Variants in SCFD1 observed in about 807,000 individuals in gnomAD.
SCFD1 encodes sec1 family domain containing 1, also known as sec1 family domain-containing protein 1.
Under a neutral mutation model 103.2 loss-of-function variants are expected in SCFD1, and 37 were observed. The observed-to-expected ratio is 0.36, with a 90% CI of 0.28 to 0.47. The LOEUF (loss-of-function observed/expected upper bound fraction) is 0.47. Ranked by LOEUF, SCFD1 falls within the 20% of genes least tolerant of loss-of-function variation. SCFD1 has a pLI of 1.00. For synonymous variants in SCFD1, 264 were observed against 245.0 expected (o/e 1.08, Z -0.73); for missense variants, 639 against 761.2 (o/e 0.84, Z 1.89).
chr14:30,634,838 T>G (rs1176551579), intron 4 of SCFD1: 3 of 455,848 alleles, frequency 6.6e-6, no homozygotes, highest in African/African-American at 2.0e-5. Context: ...GGACATGGAC[T>G]GTGCCAGCCC....
At chr14:30,653,916 C>G (rs927776706) in intron 10 of SCFD1, 1 of 166,026 alleles carries the variant, frequency 6.0e-6, no homozygotes, top group African/African-American at 2.4e-5. Context: ...TAAATGTGTT[C>G]TCCCTTAGGA....
intron 23 of SCFD1, among the ~76,000 whole-genome samples, chr14:30,723,447 C>G (rs1002453299): frequency 6.6e-6 from 1 of 152,054 alleles, no homozygotes; most frequent in Non-Finnish European, 1.5e-5. Flanking sequence ...TGCAGTTTTG[C>G]TACATAGGTA....
intron 5 of SCFD1, 105 bp downstream of exon 5, chr14:30,638,352 ACAG>A (rs1594577289): frequency 6.6e-7 from 1 of 1,515,220 alleles, no homozygotes; most frequent in East Asian, 2.4e-5. Flanking sequence ...GACCAGAACA[ACAG>A]AATTGTTTAG....
intron 23 of SCFD1, among the ~76,000 whole-genome samples, chr14:30,730,923 C>T (rs1353560622): frequency 2.0e-5 from 3 of 151,988 alleles, no homozygotes; most frequent in Non-Finnish European, 4.4e-5. Flanking sequence ...GAAGTCCTTG[C>T]CCATGTCTAT....
In SCFD1 at chr14:30,656,646, T is replaced by C. The variant is rs556795498; in HGVS notation, c.855+3058T>C. ...TGACAACATGAGTTTCAAAGCTAGT[T>C]TTAGGAAAGAGGGCAAGTAAAGAGT... On this transcript the variant is annotated intron_variant, in intron 10 of 24. Transcript: ENST00000458591. 7.2e-5 allele frequency among the ~76,000 whole-genome samples: 11 copies of C among 152,078 alleles called. 1 individual carries two copies. In the South Asian group the frequency reaches 2.1e-3, roughly 29 times the overall value.
chr14:30,654,131 G>C (rs78716720), intron 10 of SCFD1: 5,826 of 152,438 alleles, frequency 0.038, 158 homozygotes, highest in East Asian at 0.15. Context: ...ATACACAGGT[G>C]ATAAAACACG....
At chr14:30,665,245 C>G (rs1427632337) in intron 10 of SCFD1, among the ~76,000 whole-genome samples, 1 of 152,142 alleles carries the variant, frequency 6.6e-6, no homozygotes, top group African/African-American at 2.4e-5. Context: ...ATTCAACATT[C>G]TTAAAGAAAA....
At chr14:30,734,741 A>G in intron 23 of SCFD1, 49 bp from the exon 24 acceptor site, 1 of 1,314,792 alleles carries the variant, frequency 7.6e-7, no homozygotes, top group Non-Finnish European at 1.1e-6. Context: ...GGGAATATTG[A>G]ATATATTTCT....
intron 10 of SCFD1, chr14:30,669,785 G>A (rs962884548): frequency 6.6e-6 from 1 of 152,366 alleles, no homozygotes; most frequent in African/African-American, 2.4e-5. Flanking sequence ...ATTTGTTACT[G>A]GAAATGACCA....
intron 1 of SCFD1, among the ~76,000 whole-genome samples, chr14:30,623,144 C>A (rs948045762): frequency 2.0e-5 from 3 of 151,992 alleles, no homozygotes; most frequent in Non-Finnish European, 4.4e-5. Flanking sequence ...TTGGTTTATA[C>A]CTGTTAGCTA....
intron 6 of SCFD1, among the ~76,000 whole-genome samples, chr14:30,641,189 C>A (rs939216069): frequency 1.3e-5 from 2 of 152,078 alleles, no homozygotes; most frequent in African/African-American, 4.8e-5. Context: ...TCAAATGGTA[C>A]AATGCTTTAA....
At position 30,670,263 on chromosome 14, in the gene SCFD1, A is replaced by G; in HGVS notation, c.863A>G (p.His288Arg). ...AAGATTACTTTTTCCTAGGATTTCC[A>G]TTTAAACAGGGTTAATTTGGAAGAA... ...QALVHDVLDF[H>R]LNRVNLEESS... The change falls in exon 11 of 25, where the codon CAT becomes CGT. Residue 288 changes from histidine (H) to arginine (R), a missense_variant. Physicochemically the swap from His to Arg is conservative, Grantham distance 29. Transcript: ENST00000458591. 6.3e-7 allele frequency: 1 copy of G among 1,583,996 alleles called. No homozygotes were observed. Among genetic ancestry groups the G allele is most frequent in the Non-Finnish European group, 8.6e-7 (1 of 1,169,366 alleles).
chr14:30,645,472 G>A (rs893906663), intron 7 of SCFD1, among the ~76,000 whole-genome samples: 8 of 152,176 alleles, frequency 5.3e-5, no homozygotes, highest in South Asian at 2.1e-4. Context: ...AACATGGAAC[G>A]TTTTTCCATT....
In SCFD1 at chr14:30,679,283, A is replaced by G. The variant is rs376073284; in HGVS notation, c.1242+4218A>G. Among the ~76,000 whole-genome samples the G allele has an allele frequency of 3.3e-4, 50 of 151,898 alleles. No homozygotes were observed. In the South Asian group the frequency reaches 4.4e-3, roughly 13 times the overall value. On this transcript the variant is annotated intron_variant, in intron 14 of 24. Transcript: ENST00000458591. ...TTTGTGTTTTATTGCATTTATGTCA[A>G]TTGTATGAGTATGAAAAGATTGTTT...
Position 30,638,151 on chromosome 14 carries a change from A to G in SCFD1, c.339A>G (p.Ser113=), listed in dbSNP as rs764852992. Residue 113 remains serine (S), a synonymous_variant, in exon 5 of 25, where the codon TCA becomes TCG. Coordinates refer to ENST00000458591, the MANE Select transcript of SCFD1 (RefSeq NM_016106.4). ...ATCTTCGAAATCAACTATATGAATCATATTATTTAAATTTTATTTCTGCTA... is the reference window on the plus strand; with the variant it reads ...ATCTTCGAAATCAACTATATGAATCGTATTATTTAAATTTTATTTCTGCTA... ...CQDLRNQLYE[S]YYLNFISAIS... 1 of 1,610,822 alleles carries G rather than the reference A, an allele frequency of 6.2e-7. No individual in the cohort carries two copies. The highest frequency in any genetic ancestry group is 8.5e-7 in the Non-Finnish European group (1 of 1,178,444).
chr14:30,709,820 C>T (rs968535209), intron 19 of SCFD1, among the ~76,000 whole-genome samples: 6 of 152,146 alleles, frequency 3.9e-5, no homozygotes, highest in Admixed American at 1.3e-4. Flanking sequence ...CCAACTTCTA[C>T]GGTAATGTCT....
intron 14 of SCFD1, among the ~76,000 whole-genome samples, chr14:30,683,914 G>A (rs1331163179): frequency 6.6e-6 from 1 of 152,140 alleles, no homozygotes; most frequent in Non-Finnish European, 1.5e-5. Context: ...AAGAGGGAAA[G>A]CCAAGAAGTG....
intron 14 of SCFD1, among the ~76,000 whole-genome samples, chr14:30,691,095 G>A (rs926211878): frequency 1.6e-4 from 24 of 152,302 alleles, no homozygotes; most frequent in African/African-American, 5.3e-4. Context: ...CTTGAGGGTA[G>A]TGTAATTTTC....
intron 10 of SCFD1, among the ~76,000 whole-genome samples, chr14:30,660,611 T>C (rs1467399681): frequency 1.3e-5 from 2 of 152,146 alleles, no homozygotes; most frequent in African/African-American, 4.8e-5. Context: ...AACATGCTTA[T>C]ATAAATAACT....
Sources: gnomAD v4.1 joint callset for allele counts (sites outside exome capture counted in the v4.1 genomes callset) on GRCh38, gnomAD v4.1.1 for gene constraint, MANE v1.5 for transcripts, NCBI Gene and HGNC (gene_info 2026-07-23, HGNC 2026-07-21) for gene names.